Variants in IMMP2L observed in about 807,000 individuals in gnomAD.
The protein encoded by IMMP2L is mitochondrial inner membrane protease subunit 2.
Under a neutral mutation model 19.3 loss-of-function variants are expected in IMMP2L, and 18 were observed. That is an observed-to-expected ratio of 0.93 (90% CI 0.64 to 1.38). The LOEUF is 1.38. IMMP2L is among the 40% of genes most tolerant of loss of function. The pLI is 0.00. For missense variants in IMMP2L, 233 were observed against 218.2 expected (o/e 1.07, Z -0.43); for synonymous variants, 76 against 73.0 (o/e 1.04, Z -0.21).
At chr7:111,383,190 G>A (rs1831376506) in intron 3 of IMMP2L, among the ~76,000 whole-genome samples, 1 of 152,060 alleles carries the variant, frequency 6.6e-6, no homozygotes, top group Non-Finnish European at 1.5e-5. Context: ...TTTCTCTCCT[G>A]TCTATATAAC....
At chr7:110,818,174 G>A (rs981690318) in intron 5 of IMMP2L, among the ~76,000 whole-genome samples, 3 of 152,028 alleles carry the variant, frequency 2.0e-5, no homozygotes, top group African/African-American at 7.2e-5. Flanking sequence ...GAGTGAACAG[G>A]CAACCTACAA....
chr7:111,020,648 G>A (rs1171609711), intron 3 of IMMP2L, among the ~76,000 whole-genome samples: 1 of 152,070 alleles, frequency 6.6e-6, no homozygotes, highest in Admixed American at 6.6e-5. Context: ...TGTAGTTCCA[G>A]CTACTCAGGA....
rs181734163 is a variant in IMMP2L, at chr7:110,696,981, C to T, written c.409-33260G>A. On this transcript the variant is annotated intron_variant, in intron 5 of 5. Transcript: ENST00000405709. ...GAGGAGAGATAAGAAGTGCAGGAGACATCCTTAAAGGTATGAGGGTCGAAA... is the reference window on the plus strand; with the variant it reads ...GAGGAGAGATAAGAAGTGCAGGAGATATCCTTAAAGGTATGAGGGTCGAAA... 4.6e-5 allele frequency among the ~76,000 whole-genome samples: 7 copies of T among 152,244 alleles called. No individual in the cohort carries two copies. In the East Asian group the frequency reaches 9.6e-4, roughly 21 times the overall value.
intron 5 of IMMP2L, among the ~76,000 whole-genome samples, chr7:110,785,009 T>A (rs1339523554): frequency 6.6e-6 from 1 of 151,950 alleles, no homozygotes; most frequent in East Asian, 1.9e-4. Flanking sequence ...GTATTAGAAA[T>A]TACCTTTACT....
Position 110,727,190 on chromosome 7 carries a change from C to A in IMMP2L, c.409-63469G>T, listed in dbSNP as rs1795939238. Among the ~76,000 whole-genome samples, 1 of 152,068 alleles carries A rather than the reference C, an allele frequency of 6.6e-6. No individual in the cohort carries two copies. The highest frequency in any genetic ancestry group is 1.9e-4 in the East Asian group (1 of 5,166). ...ATCACCTGAGGTCAGGAGTTTGAGA[C>A]CTGCCTGACCAACATGGTGAAACCA... On this transcript the variant is annotated intron_variant, in intron 5 of 5. Coordinates refer to ENST00000405709, the MANE Select transcript of IMMP2L (RefSeq NM_032549.4). This position sits in a 1 kb window ranked among gnomAD's most constrained non-coding sequence, Gnocchi z 4.3.
chr7:111,558,555 C>T lies in IMMP2L; in HGVS notation c.-3+3296G>A, dbSNP rs79383785. Among the ~76,000 whole-genome samples, 1,135 of 152,318 alleles carry T rather than the reference C, an allele frequency of 7.5e-3. 16 individuals carry two copies. Among genetic ancestry groups the T allele is most frequent in the African/African-American group, 0.026 (1,088 of 41,578 alleles). On this transcript the variant is annotated intron_variant, in intron 1 of 5. Transcript: ENST00000405709. ...TCCAAGGTCAACAGTTAAGCAATAA[C>T]AGGCCCTGCCTGAAAACCTAAGAAT... is the stretch of plus-strand genomic sequence containing the variant.
intron 3 of IMMP2L, among the ~76,000 whole-genome samples, chr7:110,980,227 C>CTTTTTTTTTTTTTT (rs1218434499): frequency 1.1e-5 from 1 of 91,904 alleles, no homozygotes; most frequent in African/African-American, 4.3e-5. Flanking sequence ...TGTGCTGCTT[C>CTTTTTTTTTTTTTT]TTTTTTTTTT....
intron 4 of IMMP2L, chr7:110,962,623 G>T: frequency 2.1e-6 from 1 of 473,318 alleles, no homozygotes; most frequent in Non-Finnish European, 2.6e-6. Context: ...TATTAGGAAA[G>T]TAGTTTTAAT....
At chr7:111,548,114 A>C (rs1849106266) in intron 1 of IMMP2L, among the ~76,000 whole-genome samples, 1 of 152,102 alleles carries the variant, frequency 6.6e-6, no homozygotes, top group Non-Finnish European at 1.5e-5. Context: ...CTGGGTAGTG[A>C]GAAACCAGTT....
At chr7:111,293,692 A>G (rs934121751) in intron 3 of IMMP2L, among the ~76,000 whole-genome samples, 1 of 151,930 alleles carries the variant, frequency 6.6e-6, no homozygotes, top group Admixed American at 6.6e-5. Context: ...CACATTCACA[A>G]CGTGAATAAA....
chr7:111,014,207 T>G (rs1825260514), intron 3 of IMMP2L, among the ~76,000 whole-genome samples: 1 of 151,868 alleles, frequency 6.6e-6, no homozygotes, highest in African/African-American at 2.4e-5. Flanking sequence ...ATACAAAAAT[T>G]AGCCAGGCAT....
intron 3 of IMMP2L, among the ~76,000 whole-genome samples, chr7:111,398,416 T>C (rs1410284859): frequency 2.0e-5 from 3 of 151,984 alleles, no homozygotes; most frequent in Non-Finnish European, 4.4e-5. Flanking sequence ...TTCGACAAAA[T>C]CCAGCATCCG....
At chr7:110,812,231 T>C (rs570842007) in intron 5 of IMMP2L, among the ~76,000 whole-genome samples, 6 of 152,226 alleles carry the variant, frequency 3.9e-5, no homozygotes, top group Non-Finnish European at 7.4e-5. Flanking sequence ...TCTTAATCTC[T>C]GTATTCTAAC....
At chr7:110,767,328 G>A (rs534963338) in intron 5 of IMMP2L, among the ~76,000 whole-genome samples, 2 of 152,200 alleles carry the variant, frequency 1.3e-5, no homozygotes, top group African/African-American at 4.8e-5. Flanking sequence ...CCTAAACCAA[G>A]TTTTTAATTA....
intron 4 of IMMP2L, among the ~76,000 whole-genome samples, chr7:110,940,982 A>G (rs966675420): frequency 6.6e-6 from 1 of 152,200 alleles, no homozygotes; most frequent in Non-Finnish European, 1.5e-5. Flanking sequence ...TAGGGGACCA[A>G]TCATCACTGC....
chr7:110,919,244 C>G (rs1242468856), intron 4 of IMMP2L, among the ~76,000 whole-genome samples: 1 of 152,136 alleles, frequency 6.6e-6, no homozygotes, highest in Non-Finnish European at 1.5e-5. Flanking sequence ...AAGCTGAATC[C>G]TGGTAATTAA....
intron 3 of IMMP2L, among the ~76,000 whole-genome samples, chr7:111,225,389 A>G (rs1243839322): frequency 6.6e-6 from 1 of 152,106 alleles, no homozygotes; most frequent in African/African-American, 2.4e-5. Flanking sequence ...CTGTATAATA[A>G]AATGCATAAA....
At chr7:110,989,846 AAAGTT>A (rs1181477568) in intron 3 of IMMP2L, among the ~76,000 whole-genome samples, 4 of 151,946 alleles carry the variant, frequency 2.6e-5, no homozygotes, top group Non-Finnish European at 5.9e-5. Context: ...TGGCAGGGAA[AAAGTT>A]AATAACACCT....
chr7:110,676,104 C>A (rs1348395538), intron 5 of IMMP2L, among the ~76,000 whole-genome samples: 4 of 152,168 alleles, frequency 2.6e-5, no homozygotes, highest in Non-Finnish European at 5.9e-5. Flanking sequence ...ATGATAGAAG[C>A]AAGATTTGAA....
Sources: allele counts gnomAD v4.1 joint callset (sites outside exome capture counted in the v4.1 genomes callset), GRCh38; gene constraint gnomAD v4.1.1; non-coding constraint Gnocchi (gnomAD v3.1); transcripts MANE v1.5; gene names NCBI Gene and HGNC (gene_info 2026-07-23, HGNC 2026-07-21).